The following PTRH1 variants were observed in gnomAD, a reference collection of about 807,000 sequenced individuals.
PTRH1 encodes peptidyl-tRNA hydrolase.
Under a neutral mutation model 15.7 loss-of-function variants are expected in PTRH1, and 13 were observed. The ratio of observed to expected loss-of-function variants is 0.83; its 90% CI spans 0.54 to 1.31. The LOEUF (loss-of-function observed/expected upper bound fraction) is 1.31, where lower values mean the gene tolerates loss of function less well. Ranked by LOEUF, PTRH1 falls within the 40% of genes most tolerant of loss-of-function variation. The pLI is 0.00. For missense variants in PTRH1, 319 were observed against 296.2 expected (o/e 1.08, Z -0.56); for synonymous variants, 139 against 136.7 (o/e 1.02, Z -0.12).
At chr9:127,713,751 C>T (rs567185550), downstream of PTRH1, 23 of 1,169,888 alleles carry the variant, frequency 2.0e-5, no homozygotes, top group Admixed American at 3.4e-5. Flanking sequence ...AAGCAATCCC[C>T]CAGCCTCGGC....
rs1773690467 is a variant in PTRH1, at chr9:127,715,036, T to C, written c.255A>G (p.Gln85=). The part of the protein sequence containing the change: ...DLALAPLGDA[Q]LVLLRPRRLM... ...GCCGCCGTGGCCGGAGCAGGACCAG[T>C]TGGGCATCCCCCAGCGGGGCCAGGG... The change falls in exon 2 of 5, where the codon CAA becomes CAG. Residue 85 remains glutamine (Q), a synonymous_variant. Transcript: ENST00000543175. The surrounding 1 kb of genome is among the most constrained non-coding windows in gnomAD (Gnocchi z 5.8). 3.3e-6 allele frequency: 5 copies of C among 1,519,402 alleles called. No individual in the cohort carries two copies. Among genetic ancestry groups the C allele is most frequent in the South Asian group, 2.4e-5 (2 of 82,502 alleles). 94.1% of individuals were successfully genotyped at this position (1,519,402 alleles called of 1,614,324 possible). A position where few individuals can be genotyped will look rare whatever the true frequency, so the allele number is the denominator to read the frequency against.
chr9:127,715,406 G>A lies in PTRH1; in HGVS notation c.96+138C>T, dbSNP rs1011053023. ...TAGTGCAGGAACGGAGCTTCAAGAA[G>A]TTTGGAGCCCGTCGAGCACTGAACT... On this transcript the variant is annotated intron_variant, in intron 1 of 4. Coordinates refer to ENST00000543175, the MANE Select transcript of PTRH1 (RefSeq NM_001002913.3). The surrounding 1 kb of genome is among the most constrained non-coding windows in gnomAD (Gnocchi z 5.8). 8 of 1,359,192 alleles carry A rather than the reference G, an allele frequency of 5.9e-6. No homozygotes were observed. Among genetic ancestry groups the A allele is most frequent in the Non-Finnish European group, 1.0e-6 (1 of 979,888 alleles). The allele number at this position is 1,359,192 out of a possible 1,614,324, so 84.2% of individuals were successfully genotyped here.
chr9:127,705,630 CG>C lies in PTRH1; in HGVS notation c.205+9804del, dbSNP rs1245142268. ...AAAGAGAATAGAAATGGGGGAGGCACGGGGAGGCCCCCGGTCAACTGGGAGC... is the reference window on the plus strand; with the variant it reads ...AAAGAGAATAGAAATGGGGGAGGCACGGGAGGCCCCCGGTCAACTGGGAGC... On this transcript the variant is annotated intron_variant, in intron 1 of 2. Coordinates refer to the PTRH1 transcript ENST00000335223. The surrounding 1 kb of genome is among the most constrained non-coding windows in gnomAD (Gnocchi z 4.7). 6.6e-6 allele frequency among the ~76,000 whole-genome samples: 1 copy of C among 152,222 alleles called. No homozygotes were observed. Among genetic ancestry groups the C allele is most frequent in the Non-Finnish European group, 1.5e-5 (1 of 68,040 alleles).
chr9:127,712,104 G>A (rs1204565430), downstream of PTRH1: 6 of 1,539,990 alleles, frequency 3.9e-6, no homozygotes, highest in African/African-American at 6.8e-5. Flanking sequence ...GGGGGCCCCT[G>A]TGGGCTTGGA....
Position 127,714,107 on chromosome 9 carries a change from C to A in PTRH1, c.638G>T (p.Gly213Val), listed in dbSNP as rs764224561. 2 of 1,612,594 alleles carry A rather than the reference C, an allele frequency of 1.2e-6. No homozygotes were observed. Among genetic ancestry groups the A allele is most frequent in the Admixed American group, 3.3e-5 (2 of 59,828 alleles). Residue 213 changes from glycine to valine, a missense_variant, in exon 5 of 5, where the codon GGG becomes GTG. Coordinates refer to ENST00000543175, the MANE Select transcript of PTRH1 (RefSeq NM_001002913.3). The stretch of plus-strand genomic sequence containing the variant: ...CAGCCATGGCCACTAGTGTCACGGC[C>A]CCAGTGAGGGCCCCTGGCTTCGCTC... ...IRERSQGPSL[G>V]P
intron 1 of PTRH1, among the ~76,000 whole-genome samples, chr9:127,699,706 G>A (rs1842590008): frequency 6.6e-6 from 1 of 150,586 alleles, no homozygotes; most frequent in African/African-American, 2.4e-5. Context: ...AATAAAATGG[G>A]CTATCAGGGG....
intron 1 of PTRH1, among the ~76,000 whole-genome samples, chr9:127,698,523 A>C (rs547681604): frequency 1.6e-4 from 24 of 152,172 alleles, no homozygotes; most frequent in African/African-American, 5.8e-4. Context: ...TCATCTCTAC[A>C]AAAAAGAAAA....
chr9:127,711,274 G>A, downstream of PTRH1: 1 of 1,614,182 alleles, frequency 6.2e-7, no homozygotes, highest in Non-Finnish European at 8.5e-7. Flanking sequence ...TGGCCAATGA[G>A]TTCCACAAGG....
chr9:127,714,681 G>A lies in PTRH1; in HGVS notation c.338C>T (p.Ala113Val). The change falls in exon 3 of 5, where the codon GCC becomes GTC. Residue 113 changes from alanine to valine, a missense_variant. Ala to Val is a moderately conservative substitution (Grantham distance 64). Transcript: ENST00000543175. ...ARAAELFGLT[A>V]EEVYLVHDEL... ...ATCATGCACCAGGTAGACTTCCTCGGCAGTCAGCCCAAACAGCTCCGCTTA... is the reference window on the plus strand; with the variant it reads ...ATCATGCACCAGGTAGACTTCCTCGACAGTCAGCCCAAACAGCTCCGCTTA... 2 of 1,613,250 alleles carry A rather than the reference G, an allele frequency of 1.2e-6. No homozygotes were observed. The highest frequency in any genetic ancestry group is 1.1e-5 in the South Asian group (1 of 90,910).
chr9:127,713,805 C>G, downstream of PTRH1: 1 of 1,604,318 alleles, frequency 6.2e-7, no homozygotes, highest in Non-Finnish European at 8.5e-7. Context: ...CTGCACCCGG[C>G]CTCCAAGCCA....
chr9:127,711,337 C>T (rs544397387), downstream of PTRH1: 39 of 1,614,198 alleles, frequency 2.4e-5, no homozygotes, highest in Middle Eastern at 3.3e-4. Flanking sequence ...AAGAGAACAA[C>T]GGCATTACCC....
Position 127,714,441 on chromosome 9 carries a change from AGGGGCAGTTAGTGCCTCCCT to A in PTRH1, c.417-37_417-18del, listed in dbSNP as rs773656686. 7 of 1,613,928 alleles carry A rather than the reference AGGGGCAGTTAGTGCCTCCCT, an allele frequency of 4.3e-6. No individual in the cohort carries two copies. Among genetic ancestry groups the A allele is most frequent in the Non-Finnish European group, 5.9e-6 (7 of 1,179,958 alleles). On this transcript the variant is annotated intron_variant, in intron 3 of 4. Coordinates refer to ENST00000543175, the MANE Select transcript of PTRH1 (RefSeq NM_001002913.3). ...TTGTGGCCCCTTCAAGGGATATGGG[AGGGGCAGTTAGTGCCTCCCT>A]GGGGCAGTGTCCTTCCACCCCTCCC...
Position 127,715,631 on chromosome 9 carries a change from C to T in PTRH1, c.9G>A (p.Pro3=), listed in dbSNP as rs752256120. The T allele has an allele frequency of 1.2e-6, 2 of 1,612,060 alleles. No individual in the cohort carries two copies. The highest frequency in any genetic ancestry group is 1.7e-6 in the Non-Finnish European group (2 of 1,179,870). The change falls in exon 1 of 5, where the codon CCG becomes CCA. Residue 3 remains proline, a synonymous_variant. Coordinates refer to ENST00000543175, the MANE Select transcript of PTRH1 (RefSeq NM_001002913.3). This position sits in a 1 kb window ranked among gnomAD's most constrained non-coding sequence, Gnocchi z 5.8. ...GCTGTCCGGCGCCCAAAAAGCCGCC[C>T]GGCCTCATGCTGCCCCCATTCACTC... The part of the protein sequence containing the change: MR[P]GGFLGAGQRL...
rs756036042 is a variant in PTRH1 at position 127,714,245 on chromosome 9, G to A, written c.500C>T (p.Ala167Val). 1.9e-5 allele frequency: 31 copies of A among 1,613,946 alleles called. 1 individual carries two copies. The highest frequency in any genetic ancestry group is 1.6e-4 in the South Asian group (15 of 91,076). Residue 167 changes from alanine to valine, a missense_variant, in exon 5 of 5, where the codon GCG (alanine) becomes GTG (valine). Coordinates refer to ENST00000543175, the MANE Select transcript of PTRH1 (RefSeq NM_001002913.3). ...PRLRVGIGRP[A>V]HPEAVQAHVL... ...ATGGGCCTGAACCGCCTCAGGGTGC[G>A]CCGGGCGCCCGATACCCACCCGCAG...
intron 1 of PTRH1, chr9:127,707,272 T>C (rs1842667936): frequency 3.3e-6 from 5 of 1,511,384 alleles, no homozygotes; most frequent in South Asian, 1.2e-5. Flanking sequence ...GGTTTGGCCA[T>C]GGGGCCTTAG....
rs1178824498 is a variant in PTRH1, at chr9:127,705,176, A to G, written c.206-10035T>C. Among the ~76,000 whole-genome samples, 1 of 152,034 alleles carries G rather than the reference A, an allele frequency of 6.6e-6. No homozygotes were observed. Among genetic ancestry groups the G allele is most frequent in the Non-Finnish European group, 1.5e-5 (1 of 67,992 alleles). On this transcript the variant is annotated intron_variant, in intron 1 of 2. Transcript: ENST00000335223. The surrounding 1 kb of genome is among the most constrained non-coding windows in gnomAD (Gnocchi z 4.7). ...GTCCTTGGCCGGTGCTGCAGTCTGC[A>G]TGGCTTTGTGCACTGCCTGACTCCC...
chr9:127,709,579 A>C, downstream of PTRH1: 7 of 1,614,064 alleles, frequency 4.3e-6, no homozygotes, highest in Non-Finnish European at 5.9e-6. This position sits in a 1 kb window ranked among gnomAD's most constrained non-coding sequence, Gnocchi z 4.7. Context: ...GCAGCTCCAG[A>C]ACTTGCAGCT....
chr9:127,712,184 C>G, downstream of PTRH1: 1 of 1,613,590 alleles, frequency 6.2e-7, no homozygotes, highest in South Asian at 1.1e-5. Flanking sequence ...TTGACTCATC[C>G]CAGTTGGGGT....
rs1456856457 is a variant in PTRH1, at chr9:127,715,165, G to A, written c.126C>T (p.Pro42=). Residue 42 remains proline, a synonymous_variant, in exon 2 of 5, where the codon CCC becomes CCT. Coordinates refer to ENST00000543175, the MANE Select transcript of PTRH1 (RefSeq NM_001002913.3). The surrounding 1 kb of genome is among the most constrained non-coding windows in gnomAD (Gnocchi z 5.8). ...CCATGCCCACGCTGTGTCGCGTGCC[G>A]GGCAGTCCGGGATTCCCCAGGCCAG... The part of the protein sequence containing the change: ...MVAGLGNPGL[P]GTRHSVGMAV... The A allele has an allele frequency of 2.0e-6, 3 of 1,530,706 alleles. No individual in the cohort carries two copies. The highest frequency in any genetic ancestry group is 1.4e-5 in the African/African-American group (1 of 72,810). 94.8% of individuals were successfully genotyped at this position (1,530,706 alleles called of 1,614,324 possible). A position where few individuals can be genotyped will look rare whatever the true frequency, so the allele number is the denominator to read the frequency against.
Sources: gnomAD v4.1 joint callset for allele counts (sites outside exome capture counted in the v4.1 genomes callset) on GRCh38, gnomAD v4.1.1 for gene constraint, Gnocchi (gnomAD v3.1) non-coding constraint, MANE v1.5 for transcripts, NCBI Gene and HGNC (gene_info 2026-07-23, HGNC 2026-07-21) for gene names.